The following SMC4 variants were observed in gnomAD, a reference collection of about 807,000 sequenced individuals.
SMC4 encodes structural maintenance of chromosomes protein 4.
A neutral mutation model predicts 145.6 loss-of-function variants in SMC4; 87 were observed. The observed-to-expected ratio is 0.60, with a 90% CI of 0.50 to 0.71. SMC4 has a LOEUF of 0.71. Among genes scored for constraint, SMC4 ranks in the 30% least tolerant of loss-of-function variants. SMC4 has a pLI of 0.00. For missense variants in SMC4, 1,447 were observed against 1,537.1 expected (o/e 0.94, Z 0.98); for synonymous variants, 558 against 500.7 (o/e 1.11, Z -1.53).
intron 21 of SMC4, 47 bp from the exon 22 acceptor site, chr3:160,432,236 T>C (rs62272245): frequency 0.049 from 64,455 of 1,324,462 alleles, 1,925 homozygotes; most frequent in Middle Eastern, 0.078. Flanking sequence ...CTAATTATCA[T>C]ATCAAATTTA....
intron 7 of SMC4, chr3:160,412,961 G>C: frequency 3.9e-6 from 1 of 254,350 alleles, no homozygotes; most frequent in East Asian, 1.7e-4. Flanking sequence ...TGTTTTTTGA[G>C]ATGGGCTGTT....
chr3:160,431,008 CT>C (rs764403196), intron 19 of SMC4, 23 bp from the exon 20 acceptor site: 1 of 1,577,742 alleles, frequency 6.3e-7, no homozygotes, highest in Non-Finnish European at 8.6e-7. Context: ...AAAATTCTAT[CT>C]AGCAGTTCTT....
chr3:160,420,287 G>T (rs1717027446), intron 12 of SMC4, among the ~76,000 whole-genome samples: 1 of 152,178 alleles, frequency 6.6e-6, no homozygotes, highest in Non-Finnish European at 1.5e-5. Flanking sequence ...GATTGCTTCT[G>T]CATCTTGTAT....
At chr3:160,427,537 A>C (rs1205515947) in intron 17 of SMC4, among the ~76,000 whole-genome samples, 2 of 152,192 alleles carry the variant, frequency 1.3e-5, no homozygotes, top group Non-Finnish European at 2.9e-5. Flanking sequence ...CAACATTTTC[A>C]TGGAGAGACT....
Position 160,432,340 on chromosome 3 carries a change from A to G in SMC4, c.3355A>G (p.Ser1119Gly). The part of the protein sequence containing the change: ...ELDKITYERD[S>G]FRQAYEDLRK... ...GGACAAAATTACTTATGAAAGAGAC[A>G]GTTTTAGACAGGCATATGAAGATCT... Residue 1119 changes from serine (S) to glycine (G), a missense_variant, in exon 22 of 24, where the codon AGT (serine) becomes GGT (glycine). Coordinates refer to ENST00000357388, the MANE Select transcript of SMC4 (RefSeq NM_001002800.3). 1.9e-6 allele frequency: 3 copies of G among 1,613,266 alleles called. No individual in the cohort carries two copies. Among genetic ancestry groups the G allele is most frequent in the Non-Finnish European group, 2.5e-6 (3 of 1,179,774 alleles).
intron 5 of SMC4, among the ~76,000 whole-genome samples, chr3:160,407,668 TCTTAAG>T (rs1177685181): frequency 6.6e-6 from 1 of 152,162 alleles, no homozygotes; most frequent in African/African-American, 2.4e-5. Flanking sequence ...AATGTACTTC[TCTTAAG>T]CTTGTCACAT....
In SMC4 at chr3:160,432,649, CT is replaced by C. The variant is rs977949871; in HGVS notation, c.3530+136del. On this transcript the variant is annotated intron_variant, in intron 22 of 23. Transcript: ENST00000357388. The stretch of plus-strand genomic sequence containing the variant: ...TCATTTACTAGTAAATACTAATTTG[CT>C]TGCATGCTATTTATGCTTGCAGTTT... The C allele has an allele frequency of 1.1e-5, 7 of 611,492 alleles. No individual in the cohort carries two copies. The African/African-American group carries it at 1.3e-4, about 11-fold the overall frequency. The allele number at this position is 611,492 out of a possible 1,614,324, so 37.9% of individuals were successfully genotyped here.
intron 6 of SMC4, 35 bp from the exon 7 acceptor site, chr3:160,412,289 AGT>A (rs1209104697): frequency 6.4e-7 from 1 of 1,555,216 alleles, no homozygotes; most frequent in African/African-American, 1.4e-5. Context: ...GTACATATGA[AGT>A]GTGTATTCAG....
intron 3 of SMC4, 148 bp downstream of exon 3, chr3:160,402,241 A>T: frequency 3.8e-6 from 2 of 520,862 alleles, no homozygotes; most frequent in Non-Finnish European, 3.3e-6. Flanking sequence ...TCTCTCTCAC[A>T]CACACACACA....
Position 160,400,954 on chromosome 3 carries a change from C to A in SMC4, c.128C>A (p.Ala43Asp), listed in dbSNP as rs1212969536. Residue 43 changes from alanine (A) to aspartate (D), a missense_variant, in exon 2 of 24, where the codon GCC becomes GAC. By Grantham distance (126) the Ala-to-Asp change is moderately radical (BLOSUM62 -2). Coordinates refer to ENST00000357388, the MANE Select transcript of SMC4 (RefSeq NM_001002800.3). ...EPPSGRTESPATAAETASEEL... is the reference protein window; with the variant it reads ...EPPSGRTESPDTAAETASEEL... ...CCGTCCGGCCGCACGGAGAGCCCAG[C>A]CACCGCCGCAGGTGAGTGACCCGCC... The A allele has an allele frequency of 7.0e-7, 1 of 1,432,890 alleles. No individual in the cohort carries two copies. The highest frequency in any genetic ancestry group is 2.9e-5 in the East Asian group (1 of 34,100). 88.8% of individuals were successfully genotyped at this position (1,432,890 alleles called of 1,614,324 possible). A position where few individuals can be genotyped will look rare whatever the true frequency, so the allele number is the denominator to read the frequency against.
rs147131302 is a variant in SMC4, at chr3:160,402,693, C to T, written c.336C>T (p.Ile112=). 2.7e-5 allele frequency: 43 copies of T among 1,606,808 alleles called. No homozygotes were observed. In the African/African-American group the frequency reaches 3.4e-4, roughly 13 times the overall value. The change falls in exon 4 of 24, where the codon ATC becomes ATT. Residue 112 remains isoleucine, a synonymous_variant. Transcript: ENST00000357388. Reference sequence around the variant, plus strand: ...TAATGCAGCGCTTTTCCTGTATTATCGGGCCAAATGGCAGTGGCAAATCCA... The same window carrying T: ...TAATGCAGCGCTTTTCCTGTATTATTGGGCCAAATGGCAGTGGCAAATCCA... ...GPFHKRFSCI[I]GPNGSGKSNV...
intron 18 of SMC4, 71 bp from the exon 19 acceptor site, chr3:160,430,525 GTTC>G (rs1306297690): frequency 6.3e-6 from 8 of 1,265,844 alleles, no homozygotes; most frequent in Non-Finnish European, 8.5e-6. Flanking sequence ...TTCATGAAAA[GTTC>G]TTTAGTAGGT....
At position 160,425,019 on chromosome 3, in the gene SMC4, G is replaced by GGTTTGTGTGT; in HGVS notation, c.2478+2_2478+3insTTGTGTGTGT. On this transcript the variant is annotated frameshift_variant and splice_region_variant. Coordinates refer to ENST00000357388, the MANE Select transcript of SMC4 (RefSeq NM_001002800.3). LOFTEE classifies it high-confidence loss of function. ...TAGAAAAATTTACTGCAAGCATCCA[G>GGTTTGTGTGT]GTATGTGTGTGTGTGTGTGTGTGTG... 1 of 1,226,996 alleles carries GGTTTGTGTGT rather than the reference G, an allele frequency of 8.1e-7. No individual in the cohort carries two copies. The allele number at this position is 1,226,996 out of a possible 1,614,324, so 76.0% of individuals were successfully genotyped here.
chr3:160,415,263 T>G (rs1716460363), intron 9 of SMC4, among the ~76,000 whole-genome samples: 1 of 152,176 alleles, frequency 6.6e-6, no homozygotes, highest in African/African-American at 2.4e-5. Context: ...TCCTAGCTAG[T>G]CAGGAGAGTG....
chr3:160,430,743 G>GTCAT lies in SMC4; in HGVS notation c.2940_2940+1insTCAT (p.Glu981SerfsTer2). On this transcript the variant is annotated frameshift_variant and splice_region_variant. Coordinates refer to ENST00000357388, the MANE Select transcript of SMC4 (RefSeq NM_001002800.3). LOFTEE classifies it high-confidence loss of function. Reference sequence around the variant, plus strand: ...TCGTAAAGAATACAAATGCTGCAGAGGTATGAGTTGCTTTGTATTGAAGAG... The same window carrying GTCAT: ...TCGTAAAGAATACAAATGCTGCAGAGTCATGTATGAGTTGCTTTGTATTGAAGAG... The GTCAT allele has an allele frequency of 6.2e-7, 1 of 1,608,100 alleles. No individual in the cohort carries two copies. The highest frequency in any genetic ancestry group is 8.5e-7 in the Non-Finnish European group (1 of 1,178,256).
In SMC4 at chr3:160,428,803, C is replaced by T. The variant is rs572601089; in HGVS notation, c.2656C>T (p.Arg886Cys). 34 of 1,603,012 alleles carry T rather than the reference C, an allele frequency of 2.1e-5. No homozygotes were observed. In the South Asian group the frequency reaches 3.4e-4, roughly 16 times the overall value. The change falls in exon 18 of 24, where the codon CGC becomes TGC. Residue 886 changes from arginine (R) to cysteine (C), a missense_variant. Arg to Cys is a radical substitution (Grantham distance 180, BLOSUM62 -3). Coordinates refer to ENST00000357388, the MANE Select transcript of SMC4 (RefSeq NM_001002800.3). ...KAGKVEAEVK[R>C]LHNTIVEINN... The stretch of plus-strand genomic sequence containing the variant: ...TGGTAAAGTAGAAGCTGAGGTTAAA[C>T]GCTTACACAATACCATCGTAGAAAT...
intron 3 of SMC4, among the ~76,000 whole-genome samples, 189 bp from the exon 4 acceptor site, chr3:160,402,487 T>C (rs1402349074): frequency 2.6e-5 from 4 of 152,218 alleles, no homozygotes; most frequent in Admixed American, 2.0e-4. Flanking sequence ...TTATTGAATG[T>C]TGAAGCTTTT....
chr3:160,415,527 G>A (rs531743442), intron 9 of SMC4, among the ~76,000 whole-genome samples: 5 of 152,312 alleles, frequency 3.3e-5, no homozygotes, highest in Admixed American at 2.6e-4. Flanking sequence ...TCTACTTTAC[G>A]CTATAAGCAT....
intron 2 of SMC4, 25 bp from the exon 3 acceptor site, chr3:160,401,890 T>C (rs1559986142): frequency 5.1e-6 from 8 of 1,558,496 alleles, no homozygotes; most frequent in Non-Finnish European, 6.9e-6. Flanking sequence ...TTTGCCTTCG[T>C]TTTCCTTTCC....
Sources: allele counts gnomAD v4.1 joint callset (sites outside exome capture counted in the v4.1 genomes callset), GRCh38; gene constraint gnomAD v4.1.1; transcripts MANE v1.5; gene names NCBI Gene and HGNC (gene_info 2026-07-23, HGNC 2026-07-21).